Variants in MYO9B observed in about 807,000 individuals in gnomAD.
The protein encoded by MYO9B is myosin IXB, also known as unconventional myosin-IXb.
A neutral mutation model predicts 229.5 loss-of-function variants in MYO9B; 71 were observed. The ratio of observed to expected loss-of-function variants is 0.31; its 90% CI spans 0.26 to 0.38. The LOEUF (loss-of-function observed/expected upper bound fraction) is 0.38, where lower values mean the gene tolerates loss of function less well. Ranked by LOEUF, MYO9B falls within the 10% of genes least tolerant of loss-of-function variation. MYO9B has a pLI of 1.00. For synonymous variants in MYO9B, 1,185 were observed against 1,235.8 expected (o/e 0.96, Z 0.86); for missense variants, 2,255 against 2,920.5 (o/e 0.77, Z 5.25).
rs1420240044 is a variant in MYO9B at position 17,101,298 on chromosome 19, CT to C, written c.-58-361del. ...GTTCAAGTGATCCTCCCATCTCAGC[CT>C]CCTGAGGAGCTGGGACCACAGGCGA... On this transcript the variant is annotated intron_variant, in intron 1 of 39. Coordinates refer to ENST00000682292, the MANE Select transcript of MYO9B (RefSeq NM_004145.4). The surrounding 1 kb of genome is among the most constrained non-coding windows in gnomAD (Gnocchi z 4.7). 6.6e-6 allele frequency among the ~76,000 whole-genome samples: 1 copy of C among 151,928 alleles called. No homozygotes were observed. Among genetic ancestry groups the C allele is most frequent in the Non-Finnish European group, 1.5e-5 (1 of 67,996 alleles).
At chr19:17,080,493 A>G (rs2057524693) in intron 1 of MYO9B, among the ~76,000 whole-genome samples, 3 of 151,896 alleles carry the variant, frequency 2.0e-5, no homozygotes, top group African/African-American at 7.3e-5. Flanking sequence ...CTGTGTCCAA[A>G]TTTCCTCTTA....
chr19:17,148,750 A>G (rs774517466), intron 3 of MYO9B, among the ~76,000 whole-genome samples: 18 of 151,970 alleles, frequency 1.2e-4, no homozygotes, highest in Admixed American at 5.9e-4. Context: ...CACCCAGCTA[A>G]TTTTTGTATT....
At chr19:17,103,053 C>CAA (rs55897174) in intron 2 of MYO9B, among the ~76,000 whole-genome samples, 1,659 of 92,138 alleles carry the variant, frequency 0.018, 16 homozygotes, top group Middle Eastern at 0.036. Flanking sequence ...CCCCTCTCTA[C>CAA]AAAAAAAAAA....
At chr19:17,210,630 T>C (rs1311742358) in intron 37 of MYO9B, 85 bp from the exon 38 acceptor site, 1 of 1,442,776 alleles carries the variant, frequency 6.9e-7, no homozygotes, top group Non-Finnish European at 9.2e-7. Flanking sequence ...ACATCACAAC[T>C]AACCTCCTGG....
chr19:17,157,081 G>T, intron 7 of MYO9B, 43 bp downstream of exon 7: 1 of 1,592,822 alleles, frequency 6.3e-7, no homozygotes, highest in Non-Finnish European at 8.5e-7. Flanking sequence ...CTGGCTCAGG[G>T]CCGCTGGCTA....
At position 17,212,056 on chromosome 19, in the gene MYO9B, C is replaced by G. The variant is rs745770449; in HGVS notation, c.6220C>G (p.Pro2074Ala). 2 of 1,604,190 alleles carry G rather than the reference C, an allele frequency of 1.2e-6. No individual in the cohort carries two copies. Among genetic ancestry groups the G allele is most frequent in the Non-Finnish European group, 1.7e-6 (2 of 1,176,182 alleles). ...IMPTANIKLPPGLPSHLPRWA... is the reference protein window; with the variant it reads ...IMPTANIKLPAGLPSHLPRWA... ...GCCCACGGCCAACATCAAGCTCCCA[C>G]CAGGCCTGCCCTCCCACCTGCCTCG... Residue 2074 changes from proline to alanine, a missense_variant, in exon 40 of 40, where the codon CCA (proline) becomes GCA (alanine). Pro to Ala is a conservative substitution (Grantham distance 27, BLOSUM62 -1). This residue lies in a region of MYO9B where 331 missense variants were observed against 332.5 expected (regional missense o/e 1.00). Transcript: ENST00000682292. The surrounding 1 kb of genome is among the most constrained non-coding windows in gnomAD (Gnocchi z 5.4).
chr19:17,203,297 T>C, intron 30 of MYO9B, 39 bp downstream of exon 30: 1 of 1,456,000 alleles, frequency 6.9e-7, no homozygotes, highest in Non-Finnish European at 9.4e-7. Context: ...ACCCTCCATG[T>C]CCCCCACCAC....
chr19:17,149,762 T>G (rs2072456516), intron 3 of MYO9B, among the ~76,000 whole-genome samples: 1 of 152,194 alleles, frequency 6.6e-6, no homozygotes. Flanking sequence ...GTTCAAGGAC[T>G]CAGTGCTGGA....
chr19:17,185,231 G>A (rs949314534), intron 17 of MYO9B, among the ~76,000 whole-genome samples: 4 of 152,050 alleles, frequency 2.6e-5, no homozygotes, highest in Non-Finnish European at 4.4e-5. Flanking sequence ...AAAATTAGCC[G>A]GGCGTAGTGG....
intron 19 of MYO9B, among the ~76,000 whole-genome samples, chr19:17,188,895 T>G (rs4808588): frequency 0.53 from 80,509 of 150,962 alleles, 23,226 homozygotes; most frequent in East Asian, 0.74. Context: ...CACCTATAAT[T>G]CCAGCATTTT....
At chr19:17,196,697 A>G (rs1007890829) in intron 22 of MYO9B, among the ~76,000 whole-genome samples, 2 of 151,908 alleles carry the variant, frequency 1.3e-5, no homozygotes, top group African/African-American at 4.8e-5. Context: ...AAAAAAAAAA[A>G]AGTAGAGATT....
chr19:17,128,459 C>T (rs1333509138), intron 2 of MYO9B, among the ~76,000 whole-genome samples: 1 of 152,228 alleles, frequency 6.6e-6, no homozygotes, highest in Non-Finnish European at 1.5e-5. Context: ...CCGTGAAGCA[C>T]AGCCCCAGCT....
At chr19:17,089,452 G>A (rs941136294) in intron 1 of MYO9B, among the ~76,000 whole-genome samples, 2 of 152,070 alleles carry the variant, frequency 1.3e-5, no homozygotes, top group African/African-American at 2.4e-5. Context: ...TAAACGAAAC[G>A]GCTACGCCAC....
At chr19:17,123,870 A>G (rs1259090360) in intron 2 of MYO9B, among the ~76,000 whole-genome samples, 1 of 151,898 alleles carries the variant, frequency 6.6e-6, no homozygotes, top group Non-Finnish European at 1.5e-5. Context: ...TTACACATAC[A>G]TGGAACATTC....
At chr19:17,076,391 C>T (rs1044068357) in intron 1 of MYO9B, among the ~76,000 whole-genome samples, 3 of 151,968 alleles carry the variant, frequency 2.0e-5, no homozygotes, top group Admixed American at 6.6e-5. Context: ...GGGTTCTGAA[C>T]TAACTGATGC....
rs4808595 is a variant in MYO9B, at chr19:17,195,722, C to G, written c.4046+249C>G. 2.0e-5 allele frequency among the ~76,000 whole-genome samples: 3 copies of G among 151,998 alleles called. No individual in the cohort carries two copies. Among genetic ancestry groups the G allele is most frequent in the Non-Finnish European group, 4.4e-5 (3 of 67,982 alleles). ...GAGCTGTGCTCACACAGAAAGGCCC[C>G]GGCCTTGAGAGAGGTGGCTCCTCAG... On this transcript the variant is annotated intron_variant, in intron 22 of 39. Coordinates refer to ENST00000682292, the MANE Select transcript of MYO9B (RefSeq NM_004145.4). This position sits in a 1 kb window ranked among gnomAD's most constrained non-coding sequence, Gnocchi z 4.5.
chr19:17,186,287 C>G (rs1374850421), intron 18 of MYO9B, among the ~76,000 whole-genome samples: 7 of 152,146 alleles, frequency 4.6e-5, no homozygotes, highest in Non-Finnish European at 1.0e-4. Flanking sequence ...TGCAAGGAGT[C>G]TACCAGAAGG....
At chr19:17,133,619 G>A (rs1393239219) in intron 2 of MYO9B, among the ~76,000 whole-genome samples, 1 of 151,974 alleles carries the variant, frequency 6.6e-6, no homozygotes, top group Non-Finnish European at 1.5e-5. Context: ...ACCACACCTA[G>A]CTTTTTATTT....
At chr19:17,197,917 G>A in intron 23 of MYO9B, 59 bp downstream of exon 23, 1 of 1,587,852 alleles carries the variant, frequency 6.3e-7, no homozygotes, top group Non-Finnish European at 8.6e-7. Context: ...AGCCAGGCGT[G>A]GTGGCGCTTG....
Sources: gnomAD v4.1 joint callset for allele counts (sites outside exome capture counted in the v4.1 genomes callset) on GRCh38, gnomAD v4.1.1 for gene constraint, gnomAD v4.1.1 regional missense constraint, Gnocchi (gnomAD v3.1) non-coding constraint, MANE v1.5 for transcripts, NCBI Gene and HGNC (gene_info 2026-07-23, HGNC 2026-07-21) for gene names.